Variants in REV3L observed in about 807,000 individuals in gnomAD.
REV3L encodes the protein REV3 like, DNA directed polymerase zeta catalytic subunit.
Under a neutral mutation model 299.4 loss-of-function variants are expected in REV3L, and 69 were observed. The observed-to-expected ratio is 0.23, with a 90% confidence interval of 0.19 to 0.28. REV3L has a LOEUF of 0.28. REV3L is among the 10% of genes least tolerant of loss of function. The probability of loss-of-function intolerance (pLI) is 1.00; values close to 1 mark genes in which losing one functional copy is unlikely to be tolerated. For synonymous variants in REV3L, 1,238 were observed against 1,271.4 expected (o/e 0.97, Z 0.56); for missense variants, 3,128 against 3,693.8 (o/e 0.85, Z 3.97).
At chr6:111,343,521 T>C (rs1228936590) in intron 21 of REV3L, among the ~76,000 whole-genome samples, 2 of 152,116 alleles carry the variant, frequency 1.3e-5, no homozygotes, top group Non-Finnish European at 2.9e-5. Context: ...TGAACAATAA[T>C]ACACTTTATT....
intron 4 of REV3L, among the ~76,000 whole-genome samples, chr6:111,397,137 T>G (rs773618031): frequency 2.6e-4 from 40 of 152,014 alleles, no homozygotes; most frequent in Admixed American, 6.5e-4. Flanking sequence ...CTGATCTTTA[T>G]TATTTCTTTT....
intron 1 of REV3L, among the ~76,000 whole-genome samples, chr6:111,475,309 T>C (rs1241531644): frequency 6.6e-6 from 1 of 152,212 alleles, no homozygotes; most frequent in Non-Finnish European, 1.5e-5. Flanking sequence ...TAACAAATAA[T>C]GCTGCCACAA....
intron 2 of REV3L, chr6:111,412,298 G>T (rs991100760): frequency 2.0e-6 from 2 of 983,528 alleles, no homozygotes; most frequent in Admixed American, 1.2e-4. Flanking sequence ...GGTATCAGCT[G>T]GAATGAGGAA....
intron 16 of REV3L, 146 bp from the exon 17 acceptor site, chr6:111,359,160 A>C: frequency 1.9e-6 from 1 of 525,274 alleles, no homozygotes. Flanking sequence ...AGCACTCCAT[A>C]TATTAAAACG....
chr6:111,466,920 T>TA (rs1367846636), intron 1 of REV3L, among the ~76,000 whole-genome samples: 2 of 152,280 alleles, frequency 1.3e-5, no homozygotes, highest in East Asian at 3.9e-4. Flanking sequence ...AGTAAGTCAA[T>TA]AATTTGGTAT....
intron 1 of REV3L, among the ~76,000 whole-genome samples, chr6:111,467,257 C>T (rs1019755998): frequency 7.2e-5 from 11 of 152,210 alleles, no homozygotes; most frequent in African/African-American, 2.4e-4. Flanking sequence ...GGTCAAAGTA[C>T]TTCATGTCAG....
At chr6:111,411,856 C>T (rs1784284718) in intron 2 of REV3L, 1 of 369,716 alleles carries the variant, frequency 2.7e-6, no homozygotes, top group African/African-American at 2.2e-5. Context: ...ACCATCCACC[C>T]CTTAATCTCA....
rs1782951948 is a variant in REV3L, at chr6:111,400,255, A to C, written c.565+5215T>G. On this transcript the variant is annotated intron_variant, in intron 4 of 31. Transcript: ENST00000368802. ...AATCACTTAGGTAAACATACCTAGG[A>C]GTGCCATCACTGGGTCGCACTCTAA... 4.6e-5 allele frequency among the ~76,000 whole-genome samples: 7 copies of C among 152,196 alleles called. No homozygotes were observed. The South Asian group carries it at 1.2e-3, about 27-fold the overall frequency.
chr6:111,389,522 T>C (rs1781686432), intron 6 of REV3L, among the ~76,000 whole-genome samples: 3 of 152,150 alleles, frequency 2.0e-5, no homozygotes, highest in Admixed American at 2.0e-4. Flanking sequence ...AATTGCTTTA[T>C]ATTAGCTAAT....
At chr6:111,402,083 C>T (rs1783143675) in intron 4 of REV3L, among the ~76,000 whole-genome samples, 1 of 151,934 alleles carries the variant, frequency 6.6e-6, no homozygotes, top group African/African-American at 2.4e-5. Flanking sequence ...TATTGCACTC[C>T]AGTCTGGTGA....
intron 3 of REV3L, among the ~76,000 whole-genome samples, chr6:111,406,294 C>T (rs1192572258): frequency 3.3e-5 from 5 of 152,202 alleles, no homozygotes; most frequent in Non-Finnish European, 2.9e-5. Context: ...CGAGAAAACA[C>T]GGCTTATTCA....
chr6:111,379,332 A>G (rs528354771), intron 11 of REV3L, among the ~76,000 whole-genome samples: 5 of 152,212 alleles, frequency 3.3e-5, no homozygotes, highest in African/African-American at 9.6e-5. Context: ...AATACAGACT[A>G]AAAAAGTTCT....
intron 1 of REV3L, among the ~76,000 whole-genome samples, chr6:111,438,018 T>A: frequency 6.6e-6 from 1 of 151,202 alleles, no homozygotes; most frequent in East Asian, 1.9e-4. Context: ...TGCCTAATTT[T>A]TTTTTTTTTA....
intron 1 of REV3L, among the ~76,000 whole-genome samples, chr6:111,479,789 G>C (rs553336042): frequency 7.9e-5 from 12 of 152,148 alleles, no homozygotes; most frequent in Non-Finnish European, 1.3e-4. Context: ...GGGATTACAG[G>C]CATGAGCCAC....
At chr6:111,457,656 A>C (rs1184515849) in intron 1 of REV3L, among the ~76,000 whole-genome samples, 1 of 152,006 alleles carries the variant, frequency 6.6e-6, no homozygotes, top group East Asian at 1.9e-4. Context: ...TAGAAAAAAA[A>C]CAAGTATTAA....
At chr6:111,396,577 CT>C (rs976566865) in intron 4 of REV3L, among the ~76,000 whole-genome samples, 1 of 152,054 alleles carries the variant, frequency 6.6e-6, no homozygotes, top group African/African-American at 2.4e-5. Context: ...GTTAGTTTTT[CT>C]TTCTAAGTAT....
chr6:111,356,941 T>C (rs1444485291), intron 18 of REV3L, 73 bp downstream of exon 18: 2 of 706,514 alleles, frequency 2.8e-6, no homozygotes, highest in East Asian at 2.9e-5. Context: ...TACTTTTATC[T>C]TCACTATTAT....
chr6:111,404,120 G>A (rs1783376471), intron 4 of REV3L, among the ~76,000 whole-genome samples: 1 of 152,198 alleles, frequency 6.6e-6, no homozygotes. Context: ...TCTCTTGGTA[G>A]GGTTATTTAA....
At chr6:111,381,789 T>C (rs974261402) in intron 9 of REV3L, among the ~76,000 whole-genome samples, 11 of 152,316 alleles carry the variant, frequency 7.2e-5, no homozygotes, top group Non-Finnish European at 1.5e-4. Context: ...ACTAAAATTC[T>C]TTATTCTCTA....
Sources: gnomAD v4.1 joint callset for allele counts (sites outside exome capture counted in the v4.1 genomes callset) on GRCh38, gnomAD v4.1.1 for gene constraint, MANE v1.5 for transcripts, NCBI Gene and HGNC (gene_info 2026-07-23, HGNC 2026-07-21) for gene names.